The following ACAP2 variants were observed in gnomAD, a reference collection of about 807,000 sequenced individuals.
The protein encoded by ACAP2 is ArfGAP with coiled-coil, ankyrin repeat and PH domains 2.
ACAP2 carries 39 observed loss-of-function variants against 115.8 expected under a neutral mutation model. The observed-to-expected ratio is 0.34, with a 90% CI of 0.26 to 0.44. The LOEUF (loss-of-function observed/expected upper bound fraction) is 0.44, where lower values mean the gene tolerates loss of function less well. Ranked by LOEUF, ACAP2 falls within the 20% of genes least tolerant of loss-of-function variation. ACAP2 has a pLI of 1.00. For missense variants in ACAP2, 662 were observed against 927.6 expected (o/e 0.71, Z 3.72); for synonymous variants, 289 against 315.8 (o/e 0.92, Z 0.90).
chr3:195,407,364 A>G (rs1462213628), intron 1 of ACAP2, among the ~76,000 whole-genome samples: 1 of 151,982 alleles, frequency 6.6e-6, no homozygotes, highest in Non-Finnish European at 1.5e-5. Flanking sequence ...TTTTAAATTA[A>G]AAAAAGGAAA....
chr3:195,366,267 A>C (rs1732716392), intron 4 of ACAP2, among the ~76,000 whole-genome samples: 1 of 152,218 alleles, frequency 6.6e-6, no homozygotes, highest in African/African-American at 2.4e-5. Flanking sequence ...CAAAGATGCA[A>C]TCTTGTTGAA....
chr3:195,331,523 G>A (rs1321565892), intron 8 of ACAP2, among the ~76,000 whole-genome samples: 2 of 151,524 alleles, frequency 1.3e-5, no homozygotes, highest in East Asian at 2.0e-4. Context: ...ATGTTGCCCA[G>A]GCTGGTCTCA....
At position 195,295,417 on chromosome 3, in the gene ACAP2, A is replaced by T. The variant is rs1322453543; in HGVS notation, c.1672+291T>A. The T allele has an allele frequency of 8.8e-6, 5 of 566,320 alleles. No homozygotes were observed. In the East Asian group the frequency reaches 2.5e-4, roughly 28 times the overall value. The allele number at this position is 566,320 out of a possible 1,614,324, so 35.1% of individuals were successfully genotyped here. A position where few individuals can be genotyped will look rare whatever the true frequency, so the allele number is the denominator to read the frequency against. ...AAAATAGGAAGGAAATCAGGTAGTT[A>T]ATCAGATACTTAGGGCTTTTGAAAT... On this transcript the variant is annotated intron_variant, in intron 17 of 22. Coordinates refer to ENST00000326793, the MANE Select transcript of ACAP2 (RefSeq NM_012287.6).
intron 1 of ACAP2, among the ~76,000 whole-genome samples, chr3:195,435,673 T>C (rs942455328): frequency 3.3e-5 from 5 of 152,222 alleles, no homozygotes; most frequent in Admixed American, 2.6e-4. Context: ...GATTTCCTTG[T>C]TATTGATTTC....
At chr3:195,393,511 A>G (rs1226283833) in intron 1 of ACAP2, among the ~76,000 whole-genome samples, 1 of 152,234 alleles carries the variant, frequency 6.6e-6, no homozygotes, top group Non-Finnish European at 1.5e-5. Context: ...CTAGCATATG[A>G]CTGGAGAAAA....
intron 4 of ACAP2, among the ~76,000 whole-genome samples, chr3:195,355,368 C>A (rs755397879): frequency 6.0e-5 from 9 of 149,528 alleles, no homozygotes; most frequent in Non-Finnish European, 1.3e-4. Flanking sequence ...AACTGCTACA[C>A]AGAAATTCCT....
At chr3:195,420,299 G>A (rs1204333371) in intron 1 of ACAP2, among the ~76,000 whole-genome samples, 4 of 151,924 alleles carry the variant, frequency 2.6e-5, no homozygotes, top group African/African-American at 9.7e-5. Context: ...ACGCTTGGAG[G>A]ACTTTTTGAA....
intron 15 of ACAP2, among the ~76,000 whole-genome samples, chr3:195,299,793 G>A (rs1019868335): frequency 3.9e-5 from 6 of 152,098 alleles, no homozygotes; most frequent in Admixed American, 1.3e-4. Context: ...AGTCAAGATC[G>A]CGCCACTGCA....
chr3:195,285,577 G>T, intron 22 of ACAP2: 1 of 510,822 alleles, frequency 2.0e-6, no homozygotes. Context: ...ACTGTCATAG[G>T]AAGAGTTACG....
chr3:195,350,715 T>G (rs1167299390), intron 4 of ACAP2, among the ~76,000 whole-genome samples: 2 of 151,504 alleles, frequency 1.3e-5, no homozygotes, highest in Non-Finnish European at 2.9e-5. Context: ...ACGCATATGG[T>G]CAGCTTTTAT....
At chr3:195,307,106 C>A in intron 12 of ACAP2, 117 bp downstream of exon 12, 1 of 701,042 alleles carries the variant, frequency 1.4e-6, no homozygotes, top group Admixed American at 2.8e-5. Flanking sequence ...ATTTTTAAAA[C>A]TTTTTTTTCT....
chr3:195,327,523 T>A (rs1447794781), intron 8 of ACAP2, among the ~76,000 whole-genome samples: 4 of 151,912 alleles, frequency 2.6e-5, no homozygotes, highest in Non-Finnish European at 5.9e-5. Flanking sequence ...ATTCATGAGA[T>A]AAAAGAGAAA....
chr3:195,333,272 G>T (rs1730295464), intron 7 of ACAP2, 149 bp from the exon 8 acceptor site: 2 of 367,346 alleles, frequency 5.4e-6, no homozygotes, highest in Non-Finnish European at 9.4e-6. Flanking sequence ...CATGGACACA[G>T]TTCACTGCAA....
chr3:195,402,346 T>A (rs1270266919), intron 1 of ACAP2, among the ~76,000 whole-genome samples: 1 of 152,062 alleles, frequency 6.6e-6, no homozygotes, highest in Non-Finnish European at 1.5e-5. Flanking sequence ...GTGATTCCAA[T>A]CTGCTGTGCC....
intron 4 of ACAP2, among the ~76,000 whole-genome samples, chr3:195,378,516 A>AC (rs1553862261): frequency 1.4e-5 from 2 of 141,122 alleles, no homozygotes; most frequent in East Asian, 2.5e-4. Flanking sequence ...ACAAACAAAC[A>AC]AAAAAAAACA....
At chr3:195,400,333 C>G (rs1712177727) in intron 1 of ACAP2, among the ~76,000 whole-genome samples, 1 of 151,782 alleles carries the variant, frequency 6.6e-6, no homozygotes, top group Non-Finnish European at 1.5e-5. Context: ...CTCATATTAA[C>G]AGGTATATGA....
Position 195,310,414 on chromosome 3 carries a change from TACAA to T in ACAP2, c.858-1581_858-1578del, listed in dbSNP as rs764545412. 3.9e-5 allele frequency among the ~76,000 whole-genome samples: 6 copies of T among 152,160 alleles called. No homozygotes were observed. In the East Asian group the frequency reaches 9.6e-4, roughly 24 times the overall value. On this transcript the variant is annotated intron_variant, in intron 10 of 22. Transcript: ENST00000326793. ...TGGTTAGAAATGTTAAGGAAATACC[TACAA>T]ACAAACAAAATGGTGCAACCCTGCC...
chr3:195,341,165 C>T (rs865843719), intron 6 of ACAP2, among the ~76,000 whole-genome samples: 1 of 152,060 alleles, frequency 6.6e-6, no homozygotes, highest in East Asian at 1.9e-4. Flanking sequence ...TAGAAACACG[C>T]AATATAATAT....
intron 14 of ACAP2, 115 bp downstream of exon 14, chr3:195,301,851 T>C (rs1312800204): frequency 2.1e-5 from 27 of 1,313,072 alleles, no homozygotes. Context: ...GGTACAAAGA[T>C]ACAAACTGGT....
Sources: allele counts gnomAD v4.1 joint callset (sites outside exome capture counted in the v4.1 genomes callset), GRCh38; gene constraint gnomAD v4.1.1; transcripts MANE v1.5; gene names NCBI Gene and HGNC (gene_info 2026-07-23, HGNC 2026-07-21).